The following SV2C variants were observed in gnomAD, a reference collection of about 807,000 sequenced individuals.
SV2C encodes the protein synaptic vesicle glycoprotein 2C.
SV2C carries 49 observed loss-of-function variants against 79.7 expected under a neutral mutation model. The ratio of observed to expected loss-of-function variants is 0.61; its 90% CI spans 0.49 to 0.78. SV2C has a LOEUF of 0.78. SV2C is among the 30% of genes least tolerant of loss of function. The probability of loss-of-function intolerance (pLI) is 0.00; values close to 1 mark genes in which losing one functional copy is unlikely to be tolerated. For synonymous variants in SV2C, 334 were observed against 333.2 expected, an observed-to-expected ratio of 1.00 and a Z score of -0.03; for missense variants, 833 against 912.9, an observed-to-expected ratio of 0.91 and a Z score of 1.13.
chr5:76,178,428 A>G (rs1743611032), intron 2 of SV2C, among the ~76,000 whole-genome samples: 1 of 152,184 alleles, frequency 6.6e-6, no homozygotes, highest in Admixed American at 6.5e-5. Context: ...TGTTCCCACC[A>G]TTGAGTTTTA....
At position 76,330,373 on chromosome 5, in the gene SV2C, T is replaced by C. The variant is rs1749141627; in HGVS notation, c.*4826T>C. 3 of 152,180 alleles carry C rather than the reference T, an allele frequency of 2.0e-5. No homozygotes were observed. The allele number at this position is 152,180 out of a possible 1,614,324, so 9.4% of individuals were successfully genotyped here. A position where few individuals can be genotyped will look rare whatever the true frequency, so the allele number is the denominator to read the frequency against. ...GCAGGGGAAGAGCTGAGCCGAGCCT[T>C]CACTGATCTCTTGTCATTTCATATG... On this transcript the variant is annotated 3_prime_UTR_variant, in exon 13 of 13. Coordinates refer to ENST00000502798, the MANE Select transcript of SV2C (RefSeq NM_014979.4).
the SV2C span, among the ~76,000 whole-genome samples, chr5:75,985,121 A>G: frequency 1.3e-5 from 2 of 152,042 alleles, no homozygotes; most frequent in Admixed American, 6.6e-5. Flanking sequence ...CATGAAGGCA[A>G]GCAGAAGAGG....
chr5:76,124,473 A>C (rs1160673182), intron 1 of SV2C, among the ~76,000 whole-genome samples: 2 of 152,158 alleles, frequency 1.3e-5, no homozygotes, highest in Middle Eastern at 3.2e-3. Context: ...ATAACATTCC[A>C]TTGTCTGTGT....
Position 76,285,166 on chromosome 5 carries a change from G to C in SV2C, c.918G>C (p.Trp306Cys). 6.2e-7 allele frequency: 1 copy of C among 1,614,052 alleles called. No individual in the cohort carries two copies. The highest frequency in any genetic ancestry group is 8.5e-7 in the Non-Finnish European group (1 of 1,179,958). The change falls in exon 5 of 13, where the codon TGG becomes TGC. Residue 306 changes from tryptophan to cysteine, a missense_variant. Physicochemically the swap from Trp to Cys is radical, Grantham distance 215. Transcript: ENST00000502798. ...MAWAIIPHYG[W>C]SFSMGSAYQF... is the part of the protein sequence containing the mutation. ...CTCCGTGTCCTCCTTTTCCAGGGTG[G>C]AGCTTCAGCATGGGATCGGCCTACC...
the SV2C span, among the ~76,000 whole-genome samples, chr5:76,073,981 T>C: frequency 6.6e-6 from 1 of 152,202 alleles, no homozygotes; most frequent in African/African-American, 2.4e-5. Context: ...AGAATATCCA[T>C]GTCTTCTCAT....
chr5:76,295,861 A>G lies in SV2C; in HGVS notation c.1421A>G (p.Glu474Gly), dbSNP rs1157522418. Residue 474 changes from glutamate (E) to glycine (G), a missense_variant, in exon 9 of 13, where the codon GAG (glutamate) becomes GGG (glycine). Physicochemically the swap from Glu to Gly is moderately conservative, Grantham distance 98. Transcript: ENST00000502798. ...DEYALLTRNV[E>G]RDKYANFTIN... is the part of the protein sequence containing the mutation. ...TATGCATTGCTAACCAGAAATGTGG[A>G]GAGAGATAAATATGCAAATTTCACT... The G allele has an allele frequency of 1.2e-6, 2 of 1,613,444 alleles. No homozygotes were observed. The highest frequency in any genetic ancestry group is 1.7e-6 in the Non-Finnish European group (2 of 1,179,736).
intron 6 of SV2C, among the ~76,000 whole-genome samples, chr5:76,288,767 T>C (rs1747439637): frequency 6.6e-6 from 1 of 152,212 alleles, no homozygotes; most frequent in Non-Finnish European, 1.5e-5. Flanking sequence ...CATTTATATG[T>C]GACTTTCAAA....
At chr5:76,148,635 G>A (rs776031205) in intron 2 of SV2C, among the ~76,000 whole-genome samples, 1 of 152,070 alleles carries the variant, frequency 6.6e-6, no homozygotes, top group African/African-American at 2.4e-5. Flanking sequence ...AAAAATTTTT[G>A]TAGAGTCAGA....
the SV2C span, among the ~76,000 whole-genome samples, chr5:75,994,756 T>C: frequency 5.3e-5 from 8 of 152,140 alleles, no homozygotes; most frequent in East Asian, 7.7e-4. Flanking sequence ...AGGAGATTTA[T>C]TATAGAAACT....
intron 4 of SV2C, among the ~76,000 whole-genome samples, chr5:76,274,393 T>C (rs925322621): frequency 6.6e-6 from 1 of 152,176 alleles, no homozygotes; most frequent in Non-Finnish European, 1.5e-5. Context: ...TTAAATAGTT[T>C]AGTGGGTTTT....
At chr5:76,168,235 G>T (rs1406408225) in intron 2 of SV2C, among the ~76,000 whole-genome samples, 3 of 152,084 alleles carry the variant, frequency 2.0e-5, no homozygotes, top group Non-Finnish European at 2.9e-5. Flanking sequence ...TTTTTCACTG[G>T]ATGGTTCCTT....
At chr5:76,246,740 G>T (rs551581948) in intron 4 of SV2C, among the ~76,000 whole-genome samples, 83 of 152,266 alleles carry the variant, frequency 5.5e-4, no homozygotes, top group Non-Finnish European at 1.0e-3. Context: ...ACATAGTGGT[G>T]CTGCTTCCCT....
intron 1 of SV2C, among the ~76,000 whole-genome samples, chr5:76,113,742 A>G (rs754589144): frequency 6.6e-6 from 1 of 152,064 alleles, no homozygotes; most frequent in African/African-American, 2.4e-5. Context: ...GGGGAAAGGA[A>G]CTCCTTAGCC....
At chr5:76,151,616 G>C (rs541744081) in intron 2 of SV2C, among the ~76,000 whole-genome samples, 46 of 152,316 alleles carry the variant, frequency 3.0e-4, no homozygotes, top group Admixed American at 7.8e-4. Context: ...GGTGCAGGGA[G>C]GAGGGCCATG....
At chr5:76,156,559 A>G (rs554499627) in intron 2 of SV2C, among the ~76,000 whole-genome samples, 1 of 152,304 alleles carries the variant, frequency 6.6e-6, no homozygotes, top group Admixed American at 6.5e-5. Flanking sequence ...TAGGCAATAG[A>G]TACTGGCTGT....
At chr5:76,287,029 T>G (rs1389608848) in intron 6 of SV2C, among the ~76,000 whole-genome samples, 1 of 152,156 alleles carries the variant, frequency 6.6e-6, no homozygotes. Context: ...AAGGATAAAT[T>G]TAATGAATTA....
chr5:75,995,448 A>T, the SV2C span, among the ~76,000 whole-genome samples: 2 of 152,140 alleles, frequency 1.3e-5, no homozygotes, highest in South Asian at 4.1e-4. Context: ...GGCAGAACAG[A>T]TTAGCACATG....
At chr5:76,046,080 G>A in the SV2C span, among the ~76,000 whole-genome samples, 1 of 152,148 alleles carries the variant, frequency 6.6e-6, no homozygotes. Flanking sequence ...TAATGTATGA[G>A]AGTTATCTCC....
At chr5:76,004,839 G>A in the SV2C span, among the ~76,000 whole-genome samples, 49 of 152,284 alleles carry the variant, frequency 3.2e-4, no homozygotes, top group Non-Finnish European at 5.3e-4. Flanking sequence ...AAGTCTGGAG[G>A]TGGAACTTGA....
Sources: allele counts gnomAD v4.1 joint callset (sites outside exome capture counted in the v4.1 genomes callset), GRCh38; gene constraint gnomAD v4.1.1; transcripts MANE v1.5; gene names NCBI Gene and HGNC (gene_info 2026-07-23, HGNC 2026-07-21).